The following DGKB variants were observed in gnomAD, a reference collection of about 807,000 sequenced individuals.
DGKB encodes diacylglycerol kinase beta.
Under a neutral mutation model 114.3 loss-of-function variants are expected in DGKB, and 67 were observed. That is an observed-to-expected ratio of 0.59 (90% CI 0.48 to 0.72). DGKB has a LOEUF of 0.72. Among genes scored for constraint, DGKB ranks in the 30% least tolerant of loss-of-function variants. The probability of loss-of-function intolerance (pLI) is 0.00; values close to 1 mark genes in which losing one functional copy is unlikely to be tolerated. For missense variants in DGKB, 907 were observed against 975.2 expected (o/e 0.93, Z 0.93); for synonymous variants, 398 against 323.1 (o/e 1.23, Z -2.49).
chr7:14,567,906 C>G (rs1464297341), intron 20 of DGKB, among the ~76,000 whole-genome samples: 1 of 152,012 alleles, frequency 6.6e-6, no homozygotes, highest in Non-Finnish European at 1.5e-5. Flanking sequence ...AGCACCCAGC[C>G]AGATGACCTG....
chr7:14,167,210 C>CAAAAAAA (rs34278386), intron 25 of DGKB, among the ~76,000 whole-genome samples: 53 of 99,340 alleles, frequency 5.3e-4, no homozygotes, highest in Non-Finnish European at 8.0e-4. Flanking sequence ...GACTCCATCT[C>CAAAAAAA]AAAAAAAAAA....
chr7:14,689,208 T>TTTTTATTTA lies in DGKB; in HGVS notation c.712-3847_712-3846insTAAATAAAA, dbSNP rs1822323986. Among the ~76,000 whole-genome samples, 3 of 109,774 alleles carry TTTTTATTTA rather than the reference T, an allele frequency of 2.7e-5. 1 individual carries two copies. In the South Asian group the frequency reaches 1.2e-3, roughly 44 times the overall value. 72.0% of individuals were successfully genotyped at this position (109,774 alleles called of 152,430 possible). A position where few individuals can be genotyped will look rare whatever the true frequency, so the allele number is the denominator to read the frequency against. On this transcript the variant is annotated intron_variant, in intron 9 of 25. Coordinates refer to ENST00000402815, the MANE Select transcript of DGKB (RefSeq NM_001350709.2). ...GACAGAAACTCCTCTTATTTTTTTT[T>TTTTTATTTA]TTTTTTTTTTTTTTTTGAGAGGAGT...
intron 17 of DGKB, among the ~76,000 whole-genome samples, chr7:14,606,469 T>A (rs1222040984): frequency 6.6e-6 from 1 of 152,096 alleles, no homozygotes; most frequent in East Asian, 1.9e-4. Context: ...ACTTTATGAA[T>A]GTATTTTTTG....
intron 12 of DGKB, among the ~76,000 whole-genome samples, chr7:14,679,585 T>A (rs1188186541): frequency 6.6e-6 from 1 of 152,050 alleles, no homozygotes; most frequent in Non-Finnish European, 1.5e-5. Flanking sequence ...AATATATTCT[T>A]CACGGAACCC....
At chr7:14,764,608 A>G (rs1836189726) in intron 2 of DGKB, among the ~76,000 whole-genome samples, 1 of 151,976 alleles carries the variant, frequency 6.6e-6, no homozygotes, top group Non-Finnish European at 1.5e-5. Flanking sequence ...TGAGTCTTAT[A>G]TGCAGCTGAG....
intron 21 of DGKB, among the ~76,000 whole-genome samples, chr7:14,475,587 C>T (rs181230542): frequency 6.9e-4 from 105 of 152,166 alleles, no homozygotes; most frequent in African/African-American, 2.2e-3. Flanking sequence ...TTCTTGAACT[C>T]GCAATAGAAA....
intron 14 of DGKB, among the ~76,000 whole-genome samples, chr7:14,624,990 T>G (rs985699113): frequency 6.6e-6 from 1 of 152,046 alleles, no homozygotes; most frequent in African/African-American, 2.4e-5. Flanking sequence ...AGAGTGAGAC[T>G]CTGTCTCAAT....
chr7:14,486,212 C>A (rs1436137716), intron 20 of DGKB, among the ~76,000 whole-genome samples: 1 of 152,148 alleles, frequency 6.6e-6, no homozygotes, highest in African/African-American at 2.4e-5. Flanking sequence ...TCAGGAAGGG[C>A]CCCTTGGGAA....
intron 13 of DGKB, among the ~76,000 whole-genome samples, chr7:14,653,205 C>A (rs1161685206): frequency 1.3e-5 from 2 of 149,022 alleles, no homozygotes; most frequent in East Asian, 4.0e-4. Flanking sequence ...CACATGCACA[C>A]GTATGTTTAT....
chr7:14,741,317 A>T (rs1832552138), intron 4 of DGKB, among the ~76,000 whole-genome samples: 1 of 152,162 alleles, frequency 6.6e-6, no homozygotes, highest in Admixed American at 6.5e-5. Flanking sequence ...TGGTAGGGAT[A>T]TATTCTCCGT....
At chr7:14,217,870 AT>A in intron 23 of DGKB, among the ~76,000 whole-genome samples, 1 of 152,144 alleles carries the variant, frequency 6.6e-6, no homozygotes, top group East Asian at 1.9e-4. Flanking sequence ...TTCTTTGTCC[AT>A]TGAAGTCTAG....
At chr7:14,926,121 CT>C (rs945171000) in intron 1 of DGKB, among the ~76,000 whole-genome samples, 3 of 151,884 alleles carry the variant, frequency 2.0e-5, no homozygotes, top group African/African-American at 7.2e-5. Context: ...TTTTCAAACA[CT>C]TTTTTTGCAT....
intron 20 of DGKB, 117 bp downstream of exon 20, chr7:14,574,095 G>C: frequency 1.3e-6 from 1 of 767,716 alleles, no homozygotes. Flanking sequence ...GAGATGTTTT[G>C]ATGGCACAAA....
At chr7:14,712,998 C>G (rs945418895) in intron 6 of DGKB, among the ~76,000 whole-genome samples, 1 of 152,082 alleles carries the variant, frequency 6.6e-6, no homozygotes, top group South Asian at 2.1e-4. Flanking sequence ...ATTCTGACAA[C>G]ACGACAGCTT....
In DGKB at chr7:14,878,520, T is replaced by C. The variant is rs1018033303; in HGVS notation, c.-188+24072A>G. On this transcript the variant is annotated intron_variant, in intron 1 of 25. Coordinates refer to ENST00000402815, the MANE Select transcript of DGKB (RefSeq NM_001350709.2). ...CAGCATTTTGGGAGGCTGAGGCAGG[T>C]GGATCACAAGGTCAGGAAATGGAGA... Among the ~76,000 whole-genome samples the C allele has an allele frequency of 3.3e-5, 5 of 152,044 alleles. No homozygotes were observed. In the East Asian group the frequency reaches 9.7e-4, roughly 30 times the overall value.
chr7:14,904,149 T>C (rs2128240859), upstream of DGKB, among the ~76,000 whole-genome samples: 1 of 152,282 alleles, frequency 6.6e-6, no homozygotes, highest in East Asian at 1.9e-4. Context: ...TAGTAACATT[T>C]GCTCTAGTAA....
chr7:14,278,899 A>G (rs1015381011), intron 23 of DGKB, among the ~76,000 whole-genome samples: 4 of 152,224 alleles, frequency 2.6e-5, no homozygotes, highest in African/African-American at 9.6e-5. Flanking sequence ...GAATAGGAAC[A>G]GCTCAGGTCT....
chr7:14,379,476 G>C (rs554220958), intron 21 of DGKB, among the ~76,000 whole-genome samples: 1 of 151,560 alleles, frequency 6.6e-6, no homozygotes, highest in South Asian at 2.1e-4. Flanking sequence ...AATAAGGAAA[G>C]AGAGTGGGGA....
chr7:14,577,450 T>C (rs2128716951), intron 19 of DGKB, among the ~76,000 whole-genome samples: 1 of 152,264 alleles, frequency 6.6e-6, no homozygotes, highest in African/African-American at 2.4e-5. Flanking sequence ...ACCCTGTCTC[T>C]ACTAAAAGTA....
Sources: allele counts gnomAD v4.1 joint callset (sites outside exome capture counted in the v4.1 genomes callset), GRCh38; gene constraint gnomAD v4.1.1; transcripts MANE v1.5; gene names NCBI Gene and HGNC (gene_info 2026-07-23, HGNC 2026-07-21).